TBPL1: variants seen among roughly 807,000 people sequenced by gnomAD.
TBPL1 encodes TATA-box binding protein like 1.
A neutral mutation model predicts 22.1 loss-of-function variants in TBPL1; 4 were observed. The ratio of observed to expected loss-of-function variants is 0.18; its 90% CI spans 0.09 to 0.41. The LOEUF (loss-of-function observed/expected upper bound fraction) is 0.41. Among genes scored for constraint, TBPL1 ranks in the 10% least tolerant of loss-of-function variants. TBPL1 has a pLI of 1.00. For synonymous variants in TBPL1, 64 were observed against 71.0 expected (o/e 0.90, Z 0.50); for missense variants, 115 against 222.3 (o/e 0.52, Z 3.07).
chr6:133,964,456 T>A (rs560101185), intron 1 of TBPL1, among the ~76,000 whole-genome samples: 2 of 130,396 alleles, frequency 1.5e-5, no homozygotes, highest in African/African-American at 2.8e-5. Context: ...GTTTTTTGGG[T>A]TTTTTTTTTT....
chr6:133,961,497 C>T (rs905264083), intron 1 of TBPL1, among the ~76,000 whole-genome samples: 1 of 130,842 alleles, frequency 7.6e-6, no homozygotes, highest in African/African-American at 2.9e-5. Context: ...GAGACGGAGT[C>T]GTGCTCTGTC....
chr6:133,984,566 A>C lies in TBPL1; in HGVS notation c.387-11A>C, dbSNP rs1455781355. On this transcript the variant is annotated splice_polypyrimidine_tract_variant and intron_variant, in intron 5 of 6. Coordinates refer to ENST00000237264, the MANE Select transcript of TBPL1 (RefSeq NM_004865.4). The stretch of plus-strand genomic sequence containing the variant: ...TAAATATTTATATTAATTGTGGCTT[A>C]TTTTGTGTAGTTACGAACCTGAACT... 6.2e-7 allele frequency: 1 copy of C among 1,612,216 alleles called. No individual in the cohort carries two copies. The highest frequency in any genetic ancestry group is 8.5e-7 in the Non-Finnish European group (1 of 1,178,884).
intron 1 of TBPL1, among the ~76,000 whole-genome samples, chr6:133,971,996 T>G (rs543023081): frequency 6.6e-6 from 1 of 152,298 alleles, no homozygotes; most frequent in African/African-American, 2.4e-5. Context: ...ACAGCATTTT[T>G]TGGTGCTAAA....
At chr6:133,969,222 T>C (rs923978136) in intron 1 of TBPL1, among the ~76,000 whole-genome samples, 42 of 150,886 alleles carry the variant, frequency 2.8e-4, no homozygotes, top group Non-Finnish European at 5.2e-4. Flanking sequence ...CCATTACAAA[T>C]AATGTCATTG....
chr6:133,968,011 C>CTTTT (rs535103637), intron 1 of TBPL1, among the ~76,000 whole-genome samples: 94 of 136,086 alleles, frequency 6.9e-4, no homozygotes, highest in African/African-American at 2.4e-3. Flanking sequence ...TGACTATTTT[C>CTTTT]TTTTTTTTTT....
intron 6 of TBPL1, among the ~76,000 whole-genome samples, chr6:133,985,276 T>TTAAAAAAAAAAAA: frequency 7.7e-5 from 1 of 12,934 alleles, no homozygotes; most frequent in Non-Finnish European, 1.2e-4. Flanking sequence ...AGACTCTGTC[T>TTAAAAAAAAAAAA]AAAAAAAAAA....
chr6:133,990,218 GGTA>G lies in TBPL1; in HGVS notation c.*3181_*3183del, dbSNP rs1241791461. 5 of 152,628 alleles carry G rather than the reference GGTA, an allele frequency of 3.3e-5. No individual in the cohort carries two copies. Among genetic ancestry groups the G allele is most frequent in the Admixed American group, 1.3e-4 (2 of 15,276 alleles). The allele number at this position is 152,628 out of a possible 1,614,324, so 9.5% of individuals were successfully genotyped here. ...TTATAGCCTGTGTACCGTAACCTGAGGTAGTGATATTCCTGAGGAGTGTGAAGA... is the reference window on the plus strand; with the variant it reads ...TTATAGCCTGTGTACCGTAACCTGAGGTGATATTCCTGAGGAGTGTGAAGA... On this transcript the variant is annotated 3_prime_UTR_variant, in exon 7 of 7. Coordinates refer to ENST00000237264, the MANE Select transcript of TBPL1 (RefSeq NM_004865.4).
At chr6:133,960,067 C>T (rs560213193) in intron 1 of TBPL1, among the ~76,000 whole-genome samples, 26 of 152,294 alleles carry the variant, frequency 1.7e-4, no homozygotes, top group Admixed American at 7.8e-4. Flanking sequence ...CAGTGTGTTC[C>T]TTGGGCATTT....
intron 2 of TBPL1, among the ~76,000 whole-genome samples, chr6:133,980,962 ATTTTTTT>A (rs10713725): frequency 4.1e-5 from 4 of 97,118 alleles, no homozygotes; most frequent in South Asian, 3.1e-4. Context: ...TAATTAATTA[ATTTTTTT>A]TTTTTTTTTT....
intron 1 of TBPL1, among the ~76,000 whole-genome samples, chr6:133,955,945 A>G (rs1366625898): frequency 1.3e-5 from 2 of 152,264 alleles, no homozygotes; most frequent in Non-Finnish European, 2.9e-5. Context: ...AGAATTTGCT[A>G]TGAAGTAGAA....
intron 1 of TBPL1, among the ~76,000 whole-genome samples, chr6:133,955,165 T>C (rs1026625855): frequency 1.3e-5 from 2 of 151,212 alleles, no homozygotes; most frequent in Admixed American, 1.3e-4. Context: ...GGGTTATCTT[T>C]GTGCATATGA....
intron 1 of TBPL1, among the ~76,000 whole-genome samples, chr6:133,964,882 A>T (rs1215032795): frequency 6.6e-6 from 1 of 152,228 alleles, no homozygotes; most frequent in Non-Finnish European, 1.5e-5. Context: ...TAACTCTATA[A>T]AAACAGTCGA....
intron 1 of TBPL1, among the ~76,000 whole-genome samples, chr6:133,956,679 AC>A (rs1296635476): frequency 2.0e-5 from 3 of 152,108 alleles, no homozygotes; most frequent in Admixed American, 6.5e-5. Flanking sequence ...GATGAAGGAA[AC>A]CTTTTTGAAA....
intron 2 of TBPL1, 122 bp from the exon 3 acceptor site, chr6:133,982,446 G>C (rs1052953763): frequency 1.6e-5 from 11 of 685,218 alleles, no homozygotes; most frequent in Admixed American, 3.4e-5. Flanking sequence ...GATTTGGAGA[G>C]CAGTTATTGC....
At chr6:133,969,698 C>A (rs921923313) in intron 1 of TBPL1, among the ~76,000 whole-genome samples, 1 of 152,096 alleles carries the variant, frequency 6.6e-6, no homozygotes, top group Admixed American at 6.5e-5. Context: ...CCTAAAATGT[C>A]CTCATGATAG....
At chr6:133,961,753 C>A (rs1010142853) in intron 1 of TBPL1, among the ~76,000 whole-genome samples, 1 of 152,094 alleles carries the variant, frequency 6.6e-6, no homozygotes, top group Non-Finnish European at 1.5e-5. Flanking sequence ...TGTGACCCAC[C>A]GCACTTGGCC....
At chr6:133,952,730 G>A (rs1775853772), upstream of TBPL1, 1 of 152,098 alleles carries the variant, frequency 6.6e-6, no homozygotes, top group Non-Finnish European at 1.5e-5. The surrounding 1 kb of genome is among the most constrained non-coding windows in gnomAD (Gnocchi z 4.5). Flanking sequence ...TCGTCTGGAC[G>A]GTAAGGACTA....
chr6:133,987,046 C>A lies in TBPL1; in HGVS notation c.*6C>A. 3.1e-6 allele frequency: 5 copies of A among 1,604,360 alleles called. No individual in the cohort carries two copies. The highest frequency in any genetic ancestry group is 4.3e-6 in the Non-Finnish European group (5 of 1,174,496). On this transcript the variant is annotated 3_prime_UTR_variant, in exon 7 of 7. Transcript: ENST00000237264. ...GCAGGAAAGAAATTTTATAATTCAC[C>A]ACTTAATTGGTTAGAATCTCTAACT...
intron 6 of TBPL1, among the ~76,000 whole-genome samples, chr6:133,985,643 G>C (rs1403557474): frequency 6.6e-6 from 1 of 151,994 alleles, no homozygotes; most frequent in Non-Finnish European, 1.5e-5. Context: ...TTGGGAGTCA[G>C]GCCCAACCTT....
Sources: allele counts gnomAD v4.1 joint callset (sites outside exome capture counted in the v4.1 genomes callset), GRCh38; gene constraint gnomAD v4.1.1; non-coding constraint Gnocchi (gnomAD v3.1); transcripts MANE v1.5; gene names NCBI Gene and HGNC (gene_info 2026-07-23, HGNC 2026-07-21).